The following ROBO1 variants were observed in gnomAD, a reference collection of about 807,000 sequenced individuals.
ROBO1 encodes the protein roundabout homolog 1.
A neutral mutation model predicts 195.9 loss-of-function variants in ROBO1; 149 were observed. That is an observed-to-expected ratio of 0.76 (90% CI 0.67 to 0.87). The LOEUF (loss-of-function observed/expected upper bound fraction) is 0.87. Ranked by LOEUF, ROBO1 falls within the 40% of genes least tolerant of loss-of-function variation. ROBO1 has a pLI of 0.00. For missense variants in ROBO1, 1,933 were observed against 2,068.3 expected (o/e 0.93, Z 1.27); for synonymous variants, 816 against 733.2 (o/e 1.11, Z -1.82).
rs373352948 is a variant in ROBO1, at chr3:78,605,271, G to C, written c.4744+1462C>G. On this transcript the variant is annotated intron_variant, in intron 29 of 30. Transcript: ENST00000464233. ...ATCTTGATTATTAAATCTCTGGGTC[G>C]GTCAATCTGTTTCCTTAATAGGATG... is the stretch of plus-strand genomic sequence containing the variant. Among the ~76,000 whole-genome samples the C allele has an allele frequency of 1.4e-3, 214 of 152,102 alleles. 1 individual carries two copies. Among genetic ancestry groups the C allele is most frequent in the African/African-American group, 4.9e-3 (204 of 41,476 alleles).
At chr3:78,764,762 T>C (rs1198252902) in intron 4 of ROBO1, among the ~76,000 whole-genome samples, 1 of 152,156 alleles carries the variant, frequency 6.6e-6, no homozygotes, top group Non-Finnish European at 1.5e-5. Flanking sequence ...GGAATTTTAT[T>C]CTCAGGCTCA....
chr3:78,639,763 G>A lies in ROBO1; in HGVS notation c.3018C>T (p.Leu1006=), dbSNP rs1705815419. The stretch of plus-strand genomic sequence containing the variant: ...CCTAACCTGGGCGACTGTAGGTAGT[G>A]AGGTTGCTGTCGCTGTTTCCATTGC... ...TAGNGNSDSN[L]TTYSRPADCI... is the part of the protein sequence containing the mutation. Residue 1006 remains leucine (L), a synonymous_variant, in exon 22 of 31, where the codon CTC becomes CTT. Coordinates refer to ENST00000464233, the MANE Select transcript of ROBO1 (RefSeq NM_002941.4). 1 of 1,613,394 alleles carries A rather than the reference G, an allele frequency of 6.2e-7. No individual in the cohort carries two copies. The highest frequency in any genetic ancestry group is 1.7e-5 in the Admixed American group (1 of 60,006).
intron 1 of ROBO1, among the ~76,000 whole-genome samples, chr3:79,719,462 A>C (rs1702613180): frequency 6.6e-6 from 1 of 152,176 alleles, no homozygotes; most frequent in East Asian, 1.9e-4. Context: ...ACCTTTCAGA[A>C]GGAAAACTTT....
intron 27 of ROBO1, among the ~76,000 whole-genome samples, chr3:78,615,048 T>C (rs1021166523): frequency 5.3e-5 from 8 of 152,202 alleles, no homozygotes; most frequent in Non-Finnish European, 1.0e-4. Flanking sequence ...TTTTATTCTG[T>C]TAAAGTTCAT....
At chr3:79,577,374 T>G (rs969247502) in intron 2 of ROBO1, among the ~76,000 whole-genome samples, 2 of 152,168 alleles carry the variant, frequency 1.3e-5, no homozygotes, top group Non-Finnish European at 2.9e-5. Context: ...GGAATAAATC[T>G]AAGTGACCTT....
chr3:79,741,232 C>A (rs926110861), intron 1 of ROBO1, among the ~76,000 whole-genome samples: 1 of 152,158 alleles, frequency 6.6e-6, no homozygotes, highest in Admixed American at 6.5e-5. Context: ...CTCAGCCAAC[C>A]ATTAGCCATG....
At chr3:78,915,881 C>T (rs2038533930) in intron 4 of ROBO1, among the ~76,000 whole-genome samples, 1 of 152,156 alleles carries the variant, frequency 6.6e-6, no homozygotes, top group Non-Finnish European at 1.5e-5. Flanking sequence ...TAGTCTGGAA[C>T]TCCTGAGTTC....
chr3:79,341,310 C>A (rs1406546646), intron 2 of ROBO1, among the ~76,000 whole-genome samples: 1 of 151,964 alleles, frequency 6.6e-6, no homozygotes, highest in Middle Eastern at 3.2e-3. Flanking sequence ...ATGAAAAAAA[C>A]TAACATTCAT....
At chr3:79,354,719 T>C (rs936705835) in intron 2 of ROBO1, among the ~76,000 whole-genome samples, 3 of 152,208 alleles carry the variant, frequency 2.0e-5, no homozygotes, top group Non-Finnish European at 4.4e-5. Flanking sequence ...CTACAAGTCA[T>C]ATACTCCAAC....
At chr3:79,582,540 C>G (rs1027786281) in intron 2 of ROBO1, among the ~76,000 whole-genome samples, 2 of 152,044 alleles carry the variant, frequency 1.3e-5, no homozygotes, top group South Asian at 2.1e-4. Context: ...ACAAGAGAAA[C>G]TTGCAACAGT....
intron 2 of ROBO1, among the ~76,000 whole-genome samples, chr3:79,205,453 C>T (rs2081850388): frequency 6.6e-6 from 1 of 152,130 alleles, no homozygotes; most frequent in Admixed American, 6.5e-5. Context: ...TACCTTTTCT[C>T]CATGCATAAG....
intron 3 of ROBO1, among the ~76,000 whole-genome samples, chr3:78,987,228 T>C (rs1255581207): frequency 6.6e-6 from 1 of 151,876 alleles, no homozygotes; most frequent in African/African-American, 2.4e-5. Context: ...AGTAAGATAT[T>C]TAGAAATAGT....
intron 3 of ROBO1, among the ~76,000 whole-genome samples, chr3:79,120,424 C>T (rs746105836): frequency 6.6e-6 from 1 of 152,254 alleles, no homozygotes; most frequent in Non-Finnish European, 1.5e-5. Flanking sequence ...AACAAGCAAG[C>T]GTGGACAGAA....
At chr3:78,767,340 A>C (rs1265181091) in intron 4 of ROBO1, among the ~76,000 whole-genome samples, 1 of 151,820 alleles carries the variant, frequency 6.6e-6, no homozygotes, top group Non-Finnish European at 1.5e-5. Context: ...ATTTTGGCTC[A>C]CTGCAACCTC....
At chr3:79,027,385 A>C (rs1441419948) in intron 3 of ROBO1, among the ~76,000 whole-genome samples, 1 of 152,078 alleles carries the variant, frequency 6.6e-6, no homozygotes, top group Non-Finnish European at 1.5e-5. Context: ...ATTATTTGAA[A>C]GTTATTTATT....
intron 2 of ROBO1, among the ~76,000 whole-genome samples, chr3:79,423,377 C>T (rs1410935019): frequency 6.6e-6 from 1 of 152,126 alleles, no homozygotes; most frequent in Admixed American, 6.6e-5. Flanking sequence ...TTCACTTTCA[C>T]TTCAAACTGT....
chr3:78,950,768 C>G (rs1399177087), intron 3 of ROBO1, among the ~76,000 whole-genome samples: 2 of 151,566 alleles, frequency 1.3e-5, no homozygotes, highest in African/African-American at 4.8e-5. Context: ...GAATATCCAT[C>G]TGCAAATGAT....
At chr3:79,407,009 C>A (rs963033780) in intron 2 of ROBO1, among the ~76,000 whole-genome samples, 4 of 152,138 alleles carry the variant, frequency 2.6e-5, no homozygotes, top group African/African-American at 9.7e-5. Context: ...ACCTCCACCT[C>A]TCGGATTCAA....
intron 3 of ROBO1, among the ~76,000 whole-genome samples, chr3:79,024,602 G>A (rs1435628311): frequency 6.6e-6 from 1 of 152,182 alleles, no homozygotes; most frequent in Admixed American, 6.5e-5. Context: ...GGAGACTTCA[G>A]ATTCAATACG....
Sources: allele counts gnomAD v4.1 joint callset (sites outside exome capture counted in the v4.1 genomes callset), GRCh38; gene constraint gnomAD v4.1.1; transcripts MANE v1.5; gene names NCBI Gene and HGNC (gene_info 2026-07-23, HGNC 2026-07-21).